The following AHCTF1 variants were observed in gnomAD, a reference collection of about 807,000 sequenced individuals.
The protein encoded by AHCTF1 is protein ELYS.
Under a neutral mutation model 248.4 loss-of-function variants are expected in AHCTF1, and 24 were observed. That is an observed-to-expected ratio of 0.10 (90% CI 0.07 to 0.14). The LOEUF is 0.14. Ranked by LOEUF, AHCTF1 falls within the 10% of genes least tolerant of loss-of-function variation. The pLI is 1.00. For synonymous variants in AHCTF1, 786 were observed against 929.8 expected, an observed-to-expected ratio of 0.85 and a Z score of 2.81; for missense variants, 2,206 against 2,636.2, an observed-to-expected ratio of 0.84 and a Z score of 3.57.
At position 246,847,310 on chromosome 1, in the gene AHCTF1, A is replaced by C. The variant is rs531409222; in HGVS notation, c.6391+2305T>G. On this transcript the variant is annotated intron_variant, in intron 33 of 35. Coordinates refer to ENST00000648844, the MANE Select transcript of AHCTF1 (RefSeq NM_001323342.2). ...ATCTCAAAAAAAAAAAACAAACAAA[A>C]AAAAAACTGAAAATGCTCATGACAT... Among the ~76,000 whole-genome samples, 417 of 148,032 alleles carry C rather than the reference A, an allele frequency of 2.8e-3. 5 individuals are homozygous for C. Among genetic ancestry groups the C allele is most frequent in the South Asian group, 1.5e-3 (7 of 4,764 alleles).
chr1:246,895,338 G>A (rs1379521835), intron 13 of AHCTF1, among the ~76,000 whole-genome samples: 1 of 152,120 alleles, frequency 6.6e-6, no homozygotes, highest in Admixed American at 6.6e-5. Flanking sequence ...ACAAAAGCAT[G>A]ATGGCTTATC....
In AHCTF1 at chr1:246,900,053, G is replaced by A; in HGVS notation, c.1432+12C>T. On this transcript the variant is annotated intron_variant, in intron 10 of 35. Coordinates refer to ENST00000648844, the MANE Select transcript of AHCTF1 (RefSeq NM_001323342.2). ...TACTTTTCTTAAGAGGTAATGTTAAGGAAATACATACCAAAATTATAAGTG... is the reference window on the plus strand; with the variant it reads ...TACTTTTCTTAAGAGGTAATGTTAAAGAAATACATACCAAAATTATAAGTG... 1 of 1,598,062 alleles carries A rather than the reference G, an allele frequency of 6.3e-7. No individual in the cohort carries two copies. Among genetic ancestry groups the A allele is most frequent in the Non-Finnish European group, 8.5e-7 (1 of 1,175,206 alleles).
chr1:246,916,736 C>T (rs1339241072), intron 2 of AHCTF1, among the ~76,000 whole-genome samples: 2 of 152,158 alleles, frequency 1.3e-5, no homozygotes, highest in Non-Finnish European at 2.9e-5. Context: ...CCTTATCACA[C>T]CTCAATGTAG....
Position 246,850,389 on chromosome 1 carries a change from T to C in AHCTF1, c.5617A>G (p.Arg1873Gly), listed in dbSNP as rs1182388567. 2.5e-6 allele frequency: 4 copies of C among 1,609,442 alleles called. No homozygotes were observed. Among genetic ancestry groups the C allele is most frequent in the Non-Finnish European group, 3.4e-6 (4 of 1,178,656 alleles). The change falls in exon 33 of 36, where the codon AGA becomes GGA. Residue 1873 changes from arginine (R) to glycine (G), a missense_variant. Transcript: ENST00000648844. Reference protein sequence around the residue: ...KVSSVTKRTPRRIKRSVENQE... With the variant: ...KVSSVTKRTPGRIKRSVENQE... ...TTTTCTACAGATCTTTTAATTCTTCTAGGAGTCCTTTTTGTAACAGATGAA... is the reference window on the plus strand; with the variant it reads ...TTTTCTACAGATCTTTTAATTCTTCCAGGAGTCCTTTTTGTAACAGATGAA...
At chr1:246,867,606 A>C in intron 25 of AHCTF1, 55 bp downstream of exon 25, 1 of 1,577,222 alleles carries the variant, frequency 6.3e-7, no homozygotes, top group South Asian at 1.1e-5. Flanking sequence ...AACGCTGTTG[A>C]TGTCCAGTAA....
chr1:246,919,636 C>T (rs1219502521), intron 1 of AHCTF1, among the ~76,000 whole-genome samples: 1 of 151,016 alleles, frequency 6.6e-6, no homozygotes, highest in African/African-American at 2.4e-5. Context: ...TCACTTGAAC[C>T]CAGGAGGTGG....
At position 246,849,845 on chromosome 1, in the gene AHCTF1, C is replaced by T. The variant is rs1482530265; in HGVS notation, c.6161G>A (p.Ser2054Asn). 31 of 1,613,838 alleles carry T rather than the reference C, an allele frequency of 1.9e-5. No homozygotes were observed. The highest frequency in any genetic ancestry group is 2.5e-5 in the Non-Finnish European group (30 of 1,179,816). The change falls in exon 33 of 36, where the codon AGT becomes AAT. Residue 2054 changes from serine (S) to asparagine (N), a missense_variant. Coordinates refer to ENST00000648844, the MANE Select transcript of AHCTF1 (RefSeq NM_001323342.2). ...SKKKLTKKTE[S>N]QSQKRSLHSV... The stretch of plus-strand genomic sequence containing the variant: ...GTGCAATGAACGTTTTTGGCTTTGA[C>T]TTTCAGTCTTTTTTGTAAGTTTTTT...
intron 31 of AHCTF1, among the ~76,000 whole-genome samples, 189 bp downstream of exon 31, chr1:246,855,541 C>CA: frequency 1.3e-5 from 2 of 152,288 alleles, no homozygotes; most frequent in Admixed American, 1.3e-4. Flanking sequence ...GCCTTACAAG[C>CA]AACCCACTGT....
At chr1:246,874,801 T>C (rs12029050) in intron 24 of AHCTF1, among the ~76,000 whole-genome samples, 32,281 of 152,068 alleles carry the variant, frequency 0.21, 3,773 homozygotes, top group East Asian at 0.31. Context: ...CACATATCCC[T>C]GAACAACATT....
intron 7 of AHCTF1, 38 bp from the exon 8 acceptor site, chr1:246,902,713 T>G (rs764969740): frequency 1.3e-6 from 2 of 1,513,948 alleles, no homozygotes; most frequent in African/African-American, 1.4e-5. Context: ...AATCTGATTC[T>G]AGGCAAAAAG....
At chr1:246,857,349 T>C (rs1661179062) in intron 30 of AHCTF1, among the ~76,000 whole-genome samples, 1 of 152,208 alleles carries the variant, frequency 6.6e-6, no homozygotes, top group African/African-American at 2.4e-5. Flanking sequence ...CTCTACTGTG[T>C]CTACCTACAA....
At chr1:246,887,437 A>G (rs1389948426) in intron 19 of AHCTF1, 80 bp from the exon 20 acceptor site, 13 of 1,375,894 alleles carry the variant, frequency 9.4e-6, no homozygotes, top group African/African-American at 1.5e-5. Context: ...GTAGCAACAA[A>G]ATGTAGCATT....
intron 24 of AHCTF1, among the ~76,000 whole-genome samples, chr1:246,871,287 A>G (rs1662576516): frequency 6.6e-6 from 1 of 152,208 alleles, no homozygotes; most frequent in African/African-American, 2.4e-5. Flanking sequence ...CTAAAAACAG[A>G]GACACCACTC....
chr1:246,864,077 A>G lies in AHCTF1; in HGVS notation c.3387T>C (p.Ser1129=). The change falls in exon 27 of 36, where the codon TCT becomes TCC. Residue 1129 remains serine (S), a synonymous_variant. Transcript: ENST00000648844. ...TTTGCTGAATAAACTCCGAACACTG[A>G]GAAGGCCGGGGGACAGGCTGAACAA... ...DLVVQPVPRP[S]QCSEFIQQSS... is the part of the protein sequence containing the mutation. 1 of 1,614,166 alleles carries G rather than the reference A, an allele frequency of 6.2e-7. No homozygotes were observed. Among genetic ancestry groups the G allele is most frequent in the Non-Finnish European group, 8.5e-7 (1 of 1,180,004 alleles).
intron 21 of AHCTF1, 39 bp downstream of exon 21, chr1:246,885,454 A>C: frequency 6.7e-7 from 1 of 1,502,442 alleles, no homozygotes. Context: ...TTATTAACAG[A>C]TACGATAAAG....
rs965044196 is a variant in AHCTF1 at position 246,916,133 on chromosome 1, A to G, written c.375+9T>C. The G allele has an allele frequency of 2.5e-6, 4 of 1,611,532 alleles. No homozygotes were observed. In the African/African-American group the frequency reaches 4.0e-5, roughly 16 times the overall value. On this transcript the variant is annotated intron_variant, in intron 3 of 35. Transcript: ENST00000648844. ...AGAGAAATGTCCAGGTATCTTAAAC[A>G]GTACCTACCCTTCCAGGAAGAACAA...
At chr1:246,894,976 C>T (rs1004772867) in intron 13 of AHCTF1, among the ~76,000 whole-genome samples, 15 of 151,090 alleles carry the variant, frequency 9.9e-5, no homozygotes, top group African/African-American at 2.9e-4. Context: ...TCATGAGGAG[C>T]GACGGCAAGC....
intron 21 of AHCTF1, among the ~76,000 whole-genome samples, chr1:246,881,587 A>G (rs1663414135): frequency 6.6e-6 from 1 of 152,170 alleles, no homozygotes; most frequent in South Asian, 2.1e-4. Flanking sequence ...CTGTAATCCC[A>G]GCACTTTGGG....
intron 24 of AHCTF1, among the ~76,000 whole-genome samples, chr1:246,869,574 C>CA (rs1272533320): frequency 6.6e-6 from 1 of 151,998 alleles, no homozygotes; most frequent in Non-Finnish European, 1.5e-5. Flanking sequence ...ATCACCATTC[C>CA]AAAATTCCTA....
Sources: gnomAD v4.1 joint callset for allele counts (sites outside exome capture counted in the v4.1 genomes callset) on GRCh38, gnomAD v4.1.1 for gene constraint, MANE v1.5 for transcripts, NCBI Gene and HGNC (gene_info 2026-07-23, HGNC 2026-07-21) for gene names.